The following AGAP1 variants were observed in gnomAD, a reference collection of about 807,000 sequenced individuals.
The protein encoded by AGAP1 is ArfGAP with GTPase domain, ankyrin repeat and PH domain 1.
AGAP1 carries 29 observed loss-of-function variants against 105.3 expected under a neutral mutation model. The observed-to-expected ratio is 0.28, with a 90% confidence interval of 0.21 to 0.38. AGAP1 has a LOEUF of 0.38. Among genes scored for constraint, AGAP1 ranks in the 10% least tolerant of loss-of-function variants. The pLI is 1.00. For synonymous variants in AGAP1, 509 were observed against 485.9 expected, an observed-to-expected ratio of 1.05 and a Z score of -0.63; for missense variants, 998 against 1,165.1, an observed-to-expected ratio of 0.86 and a Z score of 2.09.
In AGAP1 at chr2:235,777,337, G is replaced by A. The variant is rs368993880; in HGVS notation, c.674-20422G>A. ...TGCACTTCAGCCTGGGTGACAGAGC[G>A]AGACTCTGTCTCAAAAAAAAAGACA... On this transcript the variant is annotated intron_variant, in intron 6 of 17. Coordinates refer to ENST00000304032, the MANE Select transcript of AGAP1 (RefSeq NM_001037131.3). The surrounding 1 kb of genome is among the most constrained non-coding windows in gnomAD (Gnocchi z 5.1). Among the ~76,000 whole-genome samples the A allele has an allele frequency of 1.4e-4, 21 of 152,256 alleles. No homozygotes were observed. In the East Asian group the frequency reaches 3.7e-3, roughly 27 times the overall value.
In AGAP1 at chr2:235,904,832, A is replaced by G. The variant is rs59679070; in HGVS notation, c.1156-3906A>G. ...GGGAGGAACTTGAAGCCACAGATACATGTGTCTTTATCTCCCACCTGTGTG... is the reference window on the plus strand; with the variant it reads ...GGGAGGAACTTGAAGCCACAGATACGTGTGTCTTTATCTCCCACCTGTGTG... On this transcript the variant is annotated intron_variant, in intron 10 of 17. Coordinates refer to ENST00000304032, the MANE Select transcript of AGAP1 (RefSeq NM_001037131.3). The surrounding 1 kb of genome is among the most constrained non-coding windows in gnomAD (Gnocchi z 4.2). 0.045 allele frequency among the ~76,000 whole-genome samples: 6,849 copies of G among 152,260 alleles called. 532 individuals carry two copies. Among genetic ancestry groups the G allele is most frequent in the African/African-American group, 0.15 (6,425 of 41,534 alleles).
In AGAP1 at chr2:235,689,418, T is replaced by G. The variant is rs1035458585; in HGVS notation, c.164-19761T>G. ...AGTGAGCAGAAAGTAGTGCACTGAT[T>G]ATGTTTCCATTACACCATAGAACAT... On this transcript the variant is annotated intron_variant, in intron 1 of 17. Coordinates refer to ENST00000304032, the MANE Select transcript of AGAP1 (RefSeq NM_001037131.3). This position sits in a 1 kb window ranked among gnomAD's most constrained non-coding sequence, Gnocchi z 4.2. Among the ~76,000 whole-genome samples, 4 of 152,270 alleles carry G rather than the reference T, an allele frequency of 2.6e-5. No individual in the cohort carries two copies.
At chr2:236,052,428 T>G (rs2057929289) in intron 16 of AGAP1, among the ~76,000 whole-genome samples, 1 of 152,168 alleles carries the variant, frequency 6.6e-6, no homozygotes, top group Admixed American at 6.5e-5. Flanking sequence ...GTGCGGCCAG[T>G]TAGGACAGCA....
intron 1 of AGAP1, among the ~76,000 whole-genome samples, chr2:235,519,404 C>T (rs989710343): frequency 6.6e-6 from 1 of 152,042 alleles, no homozygotes; most frequent in African/African-American, 2.4e-5. Flanking sequence ...GTTTAATCCT[C>T]CCAGGAATTT....
intron 1 of AGAP1, among the ~76,000 whole-genome samples, chr2:235,675,594 T>C (rs1014770398): frequency 3.3e-5 from 5 of 152,248 alleles, no homozygotes; most frequent in African/African-American, 4.8e-5. Flanking sequence ...GTTGTTACAA[T>C]TGAACATTCC....
chr2:235,922,464 T>C (rs1360058266), intron 11 of AGAP1, among the ~76,000 whole-genome samples: 4 of 152,228 alleles, frequency 2.6e-5, no homozygotes, highest in African/African-American at 7.2e-5. Context: ...ATGCCAGCTA[T>C]TATTTTCCTA....
intron 1 of AGAP1, among the ~76,000 whole-genome samples, chr2:235,554,213 A>G (rs905613089): frequency 1.3e-5 from 2 of 152,248 alleles, no homozygotes; most frequent in Admixed American, 6.5e-5. Context: ...TCTCATTTTA[A>G]TTAGCGTGGT....
chr2:235,578,639 G>A lies in AGAP1; in HGVS notation c.163+83790G>A, dbSNP rs1180314906. On this transcript the variant is annotated intron_variant, in intron 1 of 17. Coordinates refer to ENST00000304032, the MANE Select transcript of AGAP1 (RefSeq NM_001037131.3). The surrounding 1 kb of genome is among the most constrained non-coding windows in gnomAD (Gnocchi z 4.9). ...CTCTACTAAAAATACAAAAAAATTA[G>A]CTGGATGTGGTGGTGTGCACCTGTA... is the stretch of plus-strand genomic sequence containing the variant. 6.6e-6 allele frequency among the ~76,000 whole-genome samples: 1 copy of A among 151,924 alleles called. No individual in the cohort carries two copies. Among genetic ancestry groups the A allele is most frequent in the African/African-American group, 2.4e-5 (1 of 41,346 alleles).
intron 2 of AGAP1, among the ~76,000 whole-genome samples, chr2:235,715,477 TGC>T (rs1468057240): frequency 1.3e-5 from 2 of 151,860 alleles, no homozygotes; most frequent in African/African-American, 4.8e-5. Flanking sequence ...AGGGGAGGGG[TGC>T]TCAGGTGACA....
intron 1 of AGAP1, 68 bp from the exon 2 acceptor site, chr2:235,709,111 T>G: frequency 6.7e-7 from 1 of 1,502,156 alleles, no homozygotes. Flanking sequence ...AAATGGCCCA[T>G]TGGAGGCATT....
At chr2:235,687,296 A>C (rs906405995) in intron 1 of AGAP1, among the ~76,000 whole-genome samples, 2 of 152,206 alleles carry the variant, frequency 1.3e-5, no homozygotes, top group Admixed American at 6.5e-5. Context: ...TCTAAAGTAG[A>C]TATTGATCCT....
At position 235,726,338 on chromosome 2, in the gene AGAP1, T is replaced by C. The variant is rs527320678; in HGVS notation, c.310+8694T>C. On this transcript the variant is annotated intron_variant, in intron 3 of 17. Coordinates refer to ENST00000304032, the MANE Select transcript of AGAP1 (RefSeq NM_001037131.3). The stretch of plus-strand genomic sequence containing the variant: ...GCACAGCACATGCTGTTGACACAAC[T>C]GTTGCTTTCCTAAGAAACCTCACGG... 2.6e-5 allele frequency among the ~76,000 whole-genome samples: 4 copies of C among 152,316 alleles called. No homozygotes were observed. In the South Asian group the frequency reaches 8.3e-4, roughly 32 times the overall value.
At chr2:235,796,893 A>G (rs1340744049) in intron 6 of AGAP1, among the ~76,000 whole-genome samples, 1 of 152,240 alleles carries the variant, frequency 6.6e-6, no homozygotes, top group East Asian at 1.9e-4. Context: ...CCATTGGTGT[A>G]GGAAGAGTTT....
At chr2:235,853,926 A>T (rs2048579066) in intron 9 of AGAP1, among the ~76,000 whole-genome samples, 2 of 151,944 alleles carry the variant, frequency 1.3e-5, no homozygotes, top group South Asian at 4.2e-4. Flanking sequence ...TCAGCCTCCC[A>T]TGTGGAGATA....
At position 235,992,042 on chromosome 2, in the gene AGAP1, G is replaced by A. The variant is rs183223537; in HGVS notation, c.1645+23419G>A. On this transcript the variant is annotated intron_variant, in intron 13 of 17. Transcript: ENST00000304032. This position sits in a 1 kb window ranked among gnomAD's most constrained non-coding sequence, Gnocchi z 4.8. ...AAGGCCCGTTGAGACTGCTCAGTTGGTGTCTCCTCTGTCCACAGGACATGG... is the reference window on the plus strand; with the variant it reads ...AAGGCCCGTTGAGACTGCTCAGTTGATGTCTCCTCTGTCCACAGGACATGG... Among the ~76,000 whole-genome samples the A allele has an allele frequency of 2.7e-3, 404 of 152,360 alleles. No homozygotes were observed. Among genetic ancestry groups the A allele is most frequent in the Non-Finnish European group, 4.6e-3 (315 of 68,036 alleles).
In AGAP1 at chr2:235,973,359, T is replaced by C. The variant is rs11902070; in HGVS notation, c.1645+4736T>C. On this transcript the variant is annotated intron_variant, in intron 13 of 17. Transcript: ENST00000304032. The surrounding 1 kb of genome is among the most constrained non-coding windows in gnomAD (Gnocchi z 4.7). ...CAGGGACGGTGACTGGAGAATCCCTTATCTTTTTGTGTATATTTTGGGTTC... is the reference window on the plus strand; with the variant it reads ...CAGGGACGGTGACTGGAGAATCCCTCATCTTTTTGTGTATATTTTGGGTTC... Among the ~76,000 whole-genome samples, 6,429 of 152,232 alleles carry C rather than the reference T, an allele frequency of 0.042. 431 individuals are homozygous for C. Among genetic ancestry groups the C allele is most frequent in the African/African-American group, 0.15 (6,096 of 41,508 alleles).
In AGAP1 at chr2:235,553,824, C is replaced by T. The variant is rs1943889038; in HGVS notation, c.163+58975C>T. Among the ~76,000 whole-genome samples the T allele has an allele frequency of 3.3e-5, 5 of 152,216 alleles. No homozygotes were observed. In the South Asian group the frequency reaches 1.0e-3, roughly 32 times the overall value. On this transcript the variant is annotated intron_variant, in intron 1 of 17. Coordinates refer to ENST00000304032, the MANE Select transcript of AGAP1 (RefSeq NM_001037131.3). This position sits in a 1 kb window ranked among gnomAD's most constrained non-coding sequence, Gnocchi z 4.5. The stretch of plus-strand genomic sequence containing the variant: ...ATGCTGAGCAACTGACGTCGTATTT[C>T]CACCCGACAATGGCTTGATTCACTT...
chr2:236,117,039 G>A (rs1158261499), intron 16 of AGAP1, among the ~76,000 whole-genome samples: 2 of 152,172 alleles, frequency 1.3e-5, no homozygotes, highest in East Asian at 1.9e-4. Flanking sequence ...CAATTTTGCA[G>A]TTGTGAATTG....
chr2:235,548,482 C>T (rs536117060), intron 1 of AGAP1, among the ~76,000 whole-genome samples: 7 of 152,150 alleles, frequency 4.6e-5, no homozygotes, highest in African/African-American at 9.6e-5. Flanking sequence ...GGTGAAACCC[C>T]GTCTCTACTA....
Sources: allele counts gnomAD v4.1 joint callset (sites outside exome capture counted in the v4.1 genomes callset), GRCh38; gene constraint gnomAD v4.1.1; non-coding constraint Gnocchi (gnomAD v3.1); transcripts MANE v1.5; gene names NCBI Gene and HGNC (gene_info 2026-07-23, HGNC 2026-07-21).